MROH9: variants seen among roughly 807,000 people sequenced by gnomAD.
MROH9 encodes the protein maestro heat-like repeat-containing protein family member 9.
MROH9 carries 92 observed loss-of-function variants against 98.2 expected under a neutral mutation model. The ratio of observed to expected loss-of-function variants is 0.94; its 90% confidence interval spans 0.79 to 1.11. The LOEUF is 1.11. Ranked by LOEUF, MROH9 falls within the 50% of genes most tolerant of loss-of-function variation. The probability of loss-of-function intolerance (pLI) is 0.00; values close to 1 mark genes in which losing one functional copy is unlikely to be tolerated. For synonymous variants in MROH9, 397 were observed against 368.9 expected, an observed-to-expected ratio of 1.08 and a Z score of -0.87; for missense variants, 1,057 against 1,014.8, an observed-to-expected ratio of 1.04 and a Z score of -0.57.
At chr1:170,951,159 A>G (rs1000562908) in intron 3 of MROH9, among the ~76,000 whole-genome samples, 4 of 152,124 alleles carry the variant, frequency 2.6e-5, no homozygotes, top group East Asian at 3.9e-4. Flanking sequence ...TAGTCCAAAC[A>G]CAATTATTGC....
intron 16 of MROH9, among the ~76,000 whole-genome samples, chr1:171,014,780 C>T (rs917166174): frequency 6.6e-6 from 1 of 152,174 alleles, no homozygotes; most frequent in African/African-American, 2.4e-5. Context: ...ATATTTTATA[C>T]CAGTGTCAAA....
intron 17 of MROH9, among the ~76,000 whole-genome samples, chr1:171,021,369 G>C (rs560676878): frequency 2.0e-5 from 3 of 152,020 alleles, no homozygotes; most frequent in Admixed American, 1.3e-4. Flanking sequence ...ATACTACAAG[G>C]CTACAGTATC....
At chr1:170,977,936 G>C (rs1463921814) in intron 8 of MROH9, among the ~76,000 whole-genome samples, 1 of 152,198 alleles carries the variant, frequency 6.6e-6, no homozygotes, top group East Asian at 1.9e-4. Flanking sequence ...GGGAACATGA[G>C]TAGAACCCAC....
intron 20 of MROH9, among the ~76,000 whole-genome samples, chr1:171,037,812 G>A (rs1653156319): frequency 6.7e-6 from 1 of 149,040 alleles, no homozygotes; most frequent in African/African-American, 2.6e-5. Context: ...GTGAATCATT[G>A]ACCTTAACTA....
chr1:170,993,474 T>G (rs150940919), intron 12 of MROH9, among the ~76,000 whole-genome samples: 249 of 152,310 alleles, frequency 1.6e-3, no homozygotes, highest in South Asian at 3.3e-3. Context: ...AAGACACTTA[T>G]GCAATGGTGT....
At chr1:171,022,383 G>A (rs1457111338) in intron 17 of MROH9, among the ~76,000 whole-genome samples, 1 of 152,160 alleles carries the variant, frequency 6.6e-6, no homozygotes, top group Admixed American at 6.5e-5. Flanking sequence ...TAAAGAAAAT[G>A]TGGTATATAT....
intron 20 of MROH9, among the ~76,000 whole-genome samples, chr1:171,056,371 G>C (rs1161059368): frequency 6.6e-6 from 1 of 152,210 alleles, no homozygotes; most frequent in African/African-American, 2.4e-5. Context: ...AGCTGTGGAA[G>C]ACTGCAGCCA....
At position 171,021,994 on chromosome 1, in the gene MROH9, A is replaced by G. The variant is rs949831272; in HGVS notation, c.1909-2401A>G. Among the ~76,000 whole-genome samples, 3 of 152,054 alleles carry G rather than the reference A, an allele frequency of 2.0e-5. No individual in the cohort carries two copies. In the East Asian group the frequency reaches 5.8e-4, roughly 29 times the overall value. ...CATTTACATGGCCAACAAACATATG[A>G]AAAAAAGTTCAACATCACTGATTAG... On this transcript the variant is annotated intron_variant, in intron 17 of 21. Coordinates refer to ENST00000367759, the MANE Select transcript of MROH9 (RefSeq NM_001163629.2).
intron 3 of MROH9, among the ~76,000 whole-genome samples, 198 bp downstream of exon 3, chr1:170,947,771 C>A (rs962492997): frequency 6.6e-6 from 1 of 151,956 alleles, no homozygotes; most frequent in African/African-American, 2.4e-5. Context: ...TTCATTCTCT[C>A]ATGCTCCTGA....
At chr1:171,029,680 TC>T (rs1449538614) in intron 20 of MROH9, among the ~76,000 whole-genome samples, 2 of 152,210 alleles carry the variant, frequency 1.3e-5, no homozygotes, top group Admixed American at 1.3e-4. Flanking sequence ...TTTGATTTGC[TC>T]CTAGATTCGA....
chr1:170,963,983 A>G (rs1167715491), intron 6 of MROH9, among the ~76,000 whole-genome samples: 2 of 152,106 alleles, frequency 1.3e-5, no homozygotes, highest in Non-Finnish European at 2.9e-5. Flanking sequence ...ACAACCCTTC[A>G]CCGTGATTAT....
At chr1:171,013,388 A>G (rs904397381) in intron 15 of MROH9, among the ~76,000 whole-genome samples, 1 of 152,140 alleles carries the variant, frequency 6.6e-6, no homozygotes, top group African/African-American at 2.4e-5. Flanking sequence ...TGAACTGTGC[A>G]TGCAAGGGAT....
At chr1:171,027,764 G>A (rs991192966) in intron 20 of MROH9, among the ~76,000 whole-genome samples, 1 of 152,140 alleles carries the variant, frequency 6.6e-6, no homozygotes, top group South Asian at 2.1e-4. Flanking sequence ...GTGTGAGATG[G>A]TATCTCATTA....
intron 15 of MROH9, chr1:170,998,530 T>TTGTACA: frequency 1.4e-6 from 2 of 1,426,256 alleles, no homozygotes; most frequent in Non-Finnish European, 1.8e-6. Flanking sequence ...AAAAACTAAT[T>TTGTACA]ATTTTTTAGG....
At chr1:171,044,761 T>C (rs1005939878) in intron 20 of MROH9, among the ~76,000 whole-genome samples, 4 of 152,038 alleles carry the variant, frequency 2.6e-5, no homozygotes, top group Admixed American at 1.3e-4. Context: ...TAGTTGCTCA[T>C]ACTAGCCACT....
Position 171,014,113 on chromosome 1 carries a change from T to C in MROH9, c.1597-4T>C, listed in dbSNP as rs1294723392. The C allele has an allele frequency of 1.3e-6, 2 of 1,548,966 alleles. No homozygotes were observed. Among genetic ancestry groups the C allele is most frequent in the Non-Finnish European group, 1.7e-6 (2 of 1,146,034 alleles). ...TTATAAACTTATTAACTATTTTCTT[T>C]CAGCTTCTGAATAACTTCTTCAAGG... On this transcript the variant is annotated splice_region_variant and splice_polypyrimidine_tract_variant and intron_variant, in intron 15 of 21. Coordinates refer to ENST00000367759, the MANE Select transcript of MROH9 (RefSeq NM_001163629.2).
intron 8 of MROH9, among the ~76,000 whole-genome samples, chr1:170,978,598 A>G (rs1362768194): frequency 6.6e-6 from 1 of 152,246 alleles, no homozygotes; most frequent in South Asian, 2.1e-4. Context: ...CCCTAGCCCA[A>G]GGGCTGCTAA....
intron 20 of MROH9, among the ~76,000 whole-genome samples, chr1:171,051,898 G>A (rs1245103396): frequency 6.6e-6 from 1 of 152,114 alleles, no homozygotes; most frequent in Admixed American, 6.5e-5. Context: ...TCCTCCATTT[G>A]TTTTGTGCCT....
At chr1:170,962,963 C>A (rs1482662563) in intron 6 of MROH9, among the ~76,000 whole-genome samples, 3 of 151,382 alleles carry the variant, frequency 2.0e-5, no homozygotes, top group African/African-American at 4.8e-5. Context: ...GCAAATGGGA[C>A]CAAAAGCAAA....
Sources: allele counts gnomAD v4.1 joint callset (sites outside exome capture counted in the v4.1 genomes callset), GRCh38; gene constraint gnomAD v4.1.1; transcripts MANE v1.5; gene names NCBI Gene and HGNC (gene_info 2026-07-23, HGNC 2026-07-21).